Variants in TRIM16 observed in about 807,000 individuals in gnomAD.
TRIM16 encodes tripartite motif containing 16, also known as tripartite motif-containing protein 16.
A neutral mutation model predicts 50.4 loss-of-function variants in TRIM16; 33 were observed. The ratio of observed to expected loss-of-function variants is 0.65; its 90% CI spans 0.50 to 0.88. The LOEUF (loss-of-function observed/expected upper bound fraction) is 0.88, where lower values mean the gene tolerates loss of function less well. Among genes scored for constraint, TRIM16 ranks in the 40% least tolerant of loss-of-function variants. The pLI, the probability that TRIM16 is intolerant of heterozygous loss-of-function variation, is 0.00. For synonymous variants in TRIM16, 229 were observed against 270.7 expected, an observed-to-expected ratio of 0.85 and a Z score of 1.51; for missense variants, 581 against 686.8, an observed-to-expected ratio of 0.85 and a Z score of 1.72.
chr17:15,680,436 A>C (rs1424527762), intron 4 of TRIM16, among the ~76,000 whole-genome samples: 1 of 151,744 alleles, frequency 6.6e-6, no homozygotes, highest in African/African-American at 2.4e-5. Flanking sequence ...GATGCAAGCA[A>C]GAAATGCCTC....
intron 1 of TRIM16, chr17:15,683,736 C>T (rs1016655050): frequency 6.5e-6 from 1 of 154,464 alleles, no homozygotes; most frequent in African/African-American, 2.4e-5. Flanking sequence ...GAGTAACCTG[C>T]CTACGCTCAC....
rs534484297 is a variant in TRIM16, at chr17:15,651,309, A to G, written c.301T>C (p.Cys101Arg). The G allele has an allele frequency of 6.8e-6, 11 of 1,614,120 alleles. No homozygotes were observed. The Admixed American group carries it at 1.5e-4, about 22-fold the overall frequency. The change falls in exon 7 of 12, where the codon TGT (cysteine) becomes CGT (arginine). Residue 101 changes from cysteine to arginine, a missense_variant. Around this residue, in one of 3 missense-constraint regions of TRIM16, gnomAD observed 450 missense variants for 544.3 expected, o/e 0.83. Coordinates refer to ENST00000649191, the MANE Select transcript of TRIM16 (RefSeq NM_001348119.1). Reference sequence around the variant, plus strand: ...TGATGCGGCTGCAAGTGCTCTTCACAGTAATTCACCATGCAGGTTAGACAG... The same window carrying G: ...TGATGCGGCTGCAAGTGCTCTTCACGGTAATTCACCATGCAGGTTAGACAG... ...KSCLTCMVNY[C>R]EEHLQPHQVN...
chr17:15,634,568 T>C lies in TRIM16; in HGVS notation c.849+1468A>G, dbSNP rs182550777. Among the ~76,000 whole-genome samples the C allele has an allele frequency of 2.1e-3, 308 of 145,322 alleles. 12 individuals are homozygous for C. The highest frequency in any genetic ancestry group is 7.6e-3 in the African/African-American group (294 of 38,908). The stretch of plus-strand genomic sequence containing the variant: ...ATCGCTTGAACCCGGGAGGTGGAGC[T>C]TGCAGTGAGCAGAGATCGTGCCATT... On this transcript the variant is annotated intron_variant, in intron 9 of 11. Coordinates refer to ENST00000649191, the MANE Select transcript of TRIM16 (RefSeq NM_001348119.1).
chr17:15,671,422 G>A (rs539074770), intron 6 of TRIM16, among the ~76,000 whole-genome samples: 10 of 149,664 alleles, frequency 6.7e-5, no homozygotes, highest in African/African-American at 2.5e-4. Context: ...GGTGCATATG[G>A]GTGAATTCTT....
intron 6 of TRIM16, among the ~76,000 whole-genome samples, chr17:15,672,851 T>C (rs1988781601): frequency 6.6e-6 from 1 of 152,222 alleles, no homozygotes; most frequent in South Asian, 2.1e-4. Context: ...CCCAGAGTCA[T>C]AATATTTCTA....
intron 6 of TRIM16, among the ~76,000 whole-genome samples, chr17:15,659,243 C>G (rs1988109777): frequency 6.6e-6 from 1 of 152,244 alleles, no homozygotes; most frequent in Non-Finnish European, 1.5e-5. Flanking sequence ...ACGGTCATTT[C>G]TTCCCTAAGT....
intron 6 of TRIM16, among the ~76,000 whole-genome samples, chr17:15,675,220 T>C (rs1355280448): frequency 3.3e-5 from 5 of 152,368 alleles, no homozygotes; most frequent in Admixed American, 6.5e-5. Context: ...TGTGATATTC[T>C]GATAGCTTTG....
intron 6 of TRIM16, among the ~76,000 whole-genome samples, chr17:15,659,505 C>T (rs1901691): frequency 3.6e-4 from 55 of 152,172 alleles, no homozygotes; most frequent in African/African-American, 1.2e-3. Context: ...ACATTTTATG[C>T]GGCACATAGC....
rs113288572 is a variant in TRIM16, at chr17:15,657,259, C to T, written c.-337-5313G>A. 5.8e-3 allele frequency among the ~76,000 whole-genome samples: 885 copies of T among 152,082 alleles called. 9 individuals are homozygous for T. Among genetic ancestry groups the T allele is most frequent in the African/African-American group, 0.02 (839 of 41,466 alleles). On this transcript the variant is annotated intron_variant, in intron 6 of 11. Transcript: ENST00000649191. ...GTTGTTTGTTTGTTTGTCTTTGAGA[C>T]AGGGTCTCCCTCTGTTGCCCAGGCT...
intron 4 of TRIM16, among the ~76,000 whole-genome samples, chr17:15,678,254 A>C (rs1989032691): frequency 6.6e-6 from 1 of 152,082 alleles, no homozygotes; most frequent in Non-Finnish European, 1.5e-5. Flanking sequence ...AAATATGGAG[A>C]GTTATAAACA....
Position 15,636,125 on chromosome 17 carries a change from G to T in TRIM16, c.760C>A (p.His254Asn). ...ALSQANGIKA[H>N]LEYRSAEMEK... ...ATCTCGGCACTCCTGTACTCCAGGT[G>T]GGCCTTGATACCGTTGGCCTGGCTC... Residue 254 changes from histidine (H) to asparagine (N), a missense_variant, in exon 9 of 12, where the codon CAC becomes AAC. Coordinates refer to ENST00000649191, the MANE Select transcript of TRIM16 (RefSeq NM_001348119.1). 2 of 1,609,988 alleles carry T rather than the reference G, an allele frequency of 1.2e-6. No individual in the cohort carries two copies.
At chr17:15,681,548 G>T (rs533497008) in intron 3 of TRIM16, among the ~76,000 whole-genome samples, 1 of 152,230 alleles carries the variant, frequency 6.6e-6, no homozygotes. Flanking sequence ...GCAGACAGCA[G>T]TCCCTAAGTA....
chr17:15,673,215 G>A (rs1214174876), intron 6 of TRIM16, among the ~76,000 whole-genome samples: 2 of 152,240 alleles, frequency 1.3e-5, no homozygotes, highest in Admixed American at 6.5e-5. Context: ...TCTTATAGAC[G>A]ACCCTCCCCA....
intron 6 of TRIM16, among the ~76,000 whole-genome samples, chr17:15,665,298 G>A (rs528378544): frequency 7.2e-5 from 11 of 152,028 alleles, no homozygotes; most frequent in South Asian, 4.2e-4. Flanking sequence ...AGATCACGAG[G>A]TCAGATCGAG....
intron 8 of TRIM16, among the ~76,000 whole-genome samples, chr17:15,637,121 G>GA (rs1475826687): frequency 7.0e-6 from 1 of 143,656 alleles, no homozygotes; most frequent in Non-Finnish European, 1.5e-5. Context: ...GAGGTGGGGG[G>GA]GGGGGGTCAG....
intron 8 of TRIM16, among the ~76,000 whole-genome samples, chr17:15,637,176 G>A (rs1475043159): frequency 4.9e-5 from 7 of 141,540 alleles, no homozygotes; most frequent in Non-Finnish European, 3.1e-5. Context: ...AGGTGGGGGG[G>A]TCAGCCCCCC....
At chr17:15,640,284 G>A (rs949179682) in intron 8 of TRIM16, among the ~76,000 whole-genome samples, 1 of 148,084 alleles carries the variant, frequency 6.8e-6, no homozygotes, top group African/African-American at 2.5e-5. Context: ...ATGAGCTGGG[G>A]AGGTACAATG....
At chr17:15,641,919 T>A (rs1163805704) in intron 8 of TRIM16, among the ~76,000 whole-genome samples, 1 of 148,794 alleles carries the variant, frequency 6.7e-6, no homozygotes, top group African/African-American at 2.5e-5. Context: ...CTCAGCTCAC[T>A]GCAGCCTCCA....
In TRIM16 at chr17:15,663,110, C is replaced by G. The variant is rs76782042; in HGVS notation, c.-337-11164G>C. 1.9e-3 allele frequency among the ~76,000 whole-genome samples: 290 copies of G among 152,246 alleles called. 2 individuals carry two copies. Among genetic ancestry groups the G allele is most frequent in the African/African-American group, 6.5e-3 (269 of 41,520 alleles). On this transcript the variant is annotated intron_variant, in intron 6 of 11. Coordinates refer to ENST00000649191, the MANE Select transcript of TRIM16 (RefSeq NM_001348119.1). Reference sequence around the variant, plus strand: ...AGAGGAGGACAAGGGCACAATACCCCCTCAGGAACTGGCATTTCTTCTTTC... The same window carrying G: ...AGAGGAGGACAAGGGCACAATACCCGCTCAGGAACTGGCATTTCTTCTTTC...
Sources: gnomAD v4.1 joint callset for allele counts (sites outside exome capture counted in the v4.1 genomes callset) on GRCh38, gnomAD v4.1.1 for gene constraint, gnomAD v4.1.1 regional missense constraint, MANE v1.5 for transcripts, NCBI Gene and HGNC (gene_info 2026-07-23, HGNC 2026-07-21) for gene names.